Variants in GPC4 observed in about 807,000 individuals in gnomAD.
The protein encoded by GPC4 is glypican 4.
In GPC4, 10 loss-of-function variants were observed where a neutral mutation model predicts 35.0. The observed-to-expected ratio is 0.29, with a 90% CI of 0.18 to 0.48. The LOEUF (loss-of-function observed/expected upper bound fraction) is 0.48, where lower values mean the gene tolerates loss of function less well. Ranked by LOEUF, GPC4 falls within the 20% of genes least tolerant of loss-of-function variation. GPC4 has a pLI of 0.99. For missense variants in GPC4, 322 were observed against 451.3 expected, an observed-to-expected ratio of 0.71 and a Z score of 2.60; for synonymous variants, 167 against 170.2, an observed-to-expected ratio of 0.98 and a Z score of 0.15.
At position 133,327,636 on chromosome X, in the gene GPC4, A is replaced by AGTGT. The variant is rs557359106; in HGVS notation, c.320-3104_320-3101dup. On this transcript the variant is annotated intron_variant, in intron 2 of 8. Coordinates refer to ENST00000370828, the MANE Select transcript of GPC4 (RefSeq NM_001448.3). ...CCATGACTCACATTCTGTCCAGGAAAGTGTGTGTGTGTGTGTGTGTGTGTG... is the reference window on the plus strand; with the variant it reads ...CCATGACTCACATTCTGTCCAGGAAAGTGTGTGTGTGTGTGTGTGTGTGTGTGTG... Among the ~76,000 whole-genome samples the AGTGT allele has an allele frequency of 1.8e-3, 149 of 83,282 alleles. 1 individual carries two copies. The highest frequency in any genetic ancestry group is 5.6e-3 in the African/African-American group (126 of 22,663). 72.3% of individuals were successfully genotyped at this position (83,282 alleles called of 115,157 possible).
At chrX:133,375,084 A>G (rs2068627874) in intron 1 of GPC4, among the ~76,000 whole-genome samples, 1 of 112,457 alleles carries the variant, frequency 8.9e-6, no homozygotes, top group African/African-American at 3.2e-5. Context: ...TTCAGACCTC[A>G]ATTTGTAAAT....
intron 1 of GPC4, among the ~76,000 whole-genome samples, chrX:133,359,430 G>GA (rs911257914): frequency 1.7e-4 from 18 of 108,568 alleles, no homozygotes; most frequent in East Asian, 1.4e-3. Context: ...GGTGATTAAA[G>GA]AAAAAAAAAT....
chrX:133,370,879 T>C (rs1420784660), intron 1 of GPC4, among the ~76,000 whole-genome samples: 1 of 112,041 alleles, frequency 8.9e-6, no homozygotes, highest in Non-Finnish European at 1.9e-5. Flanking sequence ...AAGTTTCAAT[T>C]ACTCTGTGAA....
intron 1 of GPC4, among the ~76,000 whole-genome samples, chrX:133,409,320 TAAAAAAAAAAAAAAAAAAA>T (rs36008423): frequency 8.5e-4 from 27 of 31,799 alleles, no homozygotes; most frequent in South Asian, 7.9e-3. Context: ...GACCCTGCCT[TAAAAAAAAAAAAAAAAAAA>T]AAAAAAAAAA....
intron 1 of GPC4, among the ~76,000 whole-genome samples, chrX:133,358,470 T>C (rs902317818): frequency 1.8e-5 from 2 of 112,500 alleles, no homozygotes; most frequent in Non-Finnish European, 3.7e-5. Flanking sequence ...TCCTGACAAA[T>C]GATCAATTTC....
At chrX:133,360,648 T>C (rs1213956600) in intron 1 of GPC4, among the ~76,000 whole-genome samples, 3 of 111,968 alleles carry the variant, frequency 2.7e-5, no homozygotes, top group Non-Finnish European at 3.8e-5. Flanking sequence ...AATACTCCAG[T>C]TGCACATTTA....
chrX:133,383,742 G>T (rs930032070), intron 1 of GPC4, among the ~76,000 whole-genome samples: 1 of 111,735 alleles, frequency 8.9e-6, no homozygotes, highest in South Asian at 3.8e-4. Context: ...AGCTACTCAG[G>T]AGGCTGAGGC....
chrX:133,355,752 C>T (rs1011752267), intron 1 of GPC4, among the ~76,000 whole-genome samples: 2 of 111,018 alleles, frequency 1.8e-5, no homozygotes, highest in African/African-American at 6.6e-5. Flanking sequence ...GTGGGTGGAT[C>T]CCTCATGAAT....
chrX:133,345,667 A>G (rs2092296782), intron 1 of GPC4, among the ~76,000 whole-genome samples: 1 of 111,958 alleles, frequency 8.9e-6, no homozygotes, highest in Non-Finnish European at 1.9e-5. Flanking sequence ...CCTGTACATC[A>G]CTTTTCCTTT....
intron 1 of GPC4, among the ~76,000 whole-genome samples, chrX:133,389,828 G>A (rs1401730012): frequency 8.9e-6 from 1 of 111,798 alleles, no homozygotes; most frequent in Non-Finnish European, 1.9e-5. Flanking sequence ...AGACTCTTCT[G>A]AACATAATGA....
chrX:133,312,982 C>A (rs768027621), intron 3 of GPC4, among the ~76,000 whole-genome samples: 3 of 111,741 alleles, frequency 2.7e-5, no homozygotes, highest in Non-Finnish European at 5.6e-5. Flanking sequence ...AAGTTCCTGT[C>A]TCCTCTTTCT....
chrX:133,362,903 C>G (rs1434357163), intron 1 of GPC4, among the ~76,000 whole-genome samples: 1 of 111,920 alleles, frequency 8.9e-6, no homozygotes, highest in Non-Finnish European at 1.9e-5. Flanking sequence ...TCTCCCACTA[C>G]AAAGAACAGG....
chrX:133,390,079 A>G (rs1226992972), intron 1 of GPC4, among the ~76,000 whole-genome samples: 1 of 110,513 alleles, frequency 9.0e-6, no homozygotes, highest in Admixed American at 9.7e-5. Context: ...GCGCAACTTC[A>G]AGCAGAGAAG....
At chrX:133,325,763 C>T (rs774559764) in intron 2 of GPC4, among the ~76,000 whole-genome samples, 2 of 112,185 alleles carry the variant, frequency 1.8e-5, no homozygotes, top group African/African-American at 6.5e-5. Context: ...AATAGTTCTA[C>T]AAAACCATTC....
At position 133,320,516 on chromosome X, in the gene GPC4, T is replaced by C. The variant is rs2068359263; in HGVS notation, c.711+3629A>G. Among the ~76,000 whole-genome samples, 3 of 104,486 alleles carry C rather than the reference T, an allele frequency of 2.9e-5. No homozygotes were observed. In the South Asian group the frequency reaches 1.3e-3, roughly 46 times the overall value. The allele number at this position is 104,486 out of a possible 115,157, so 90.7% of individuals were successfully genotyped here. ...GCGCATGCCTGTAATCCCAGCTACT[T>C]GGGAGGCTGAGGCAGGAGAACTGCT... On this transcript the variant is annotated intron_variant, in intron 3 of 8. Transcript: ENST00000370828.
intron 1 of GPC4, among the ~76,000 whole-genome samples, chrX:133,341,977 C>T (rs2068469081): frequency 9.2e-6 from 1 of 108,283 alleles, no homozygotes; most frequent in South Asian, 4.2e-4. Flanking sequence ...TCAAGCAGAA[C>T]CTTATCGAGA....
intron 1 of GPC4, among the ~76,000 whole-genome samples, chrX:133,344,191 G>GT (rs747976050): frequency 2.6e-5 from 1 of 38,887 alleles, no homozygotes. Flanking sequence ...TTTCTTTCTG[G>GT]TTTTTTTTTT....
chrX:133,359,323 C>T lies in GPC4; in HGVS notation c.161-19982G>A, dbSNP rs377023964. On this transcript the variant is annotated intron_variant, in intron 1 of 8. Transcript: ENST00000370828. ...GGAAAGAAAAAAACTTACTTATAGTCGCCCCAGAATAATTACTTATATTGG... is the reference window on the plus strand; with the variant it reads ...GGAAAGAAAAAAACTTACTTATAGTTGCCCCAGAATAATTACTTATATTGG... Among the ~76,000 whole-genome samples the T allele has an allele frequency of 8.1e-5, 9 of 111,143 alleles. No individual in the cohort carries two copies. In the East Asian group the frequency reaches 1.4e-3, roughly 17 times the overall value.
intron 1 of GPC4, among the ~76,000 whole-genome samples, chrX:133,410,953 G>A (rs2068810323): frequency 8.9e-6 from 1 of 112,027 alleles, no homozygotes; most frequent in East Asian, 2.8e-4. Flanking sequence ...AACAAAACAG[G>A]AGATCACAGA....
Sources: gnomAD v4.1 joint callset for allele counts (sites outside exome capture counted in the v4.1 genomes callset) on GRCh38, gnomAD v4.1.1 for gene constraint, MANE v1.5 for transcripts, NCBI Gene and HGNC (gene_info 2026-07-23, HGNC 2026-07-21) for gene names.